Variants in GOLGA2 observed in about 807,000 individuals in gnomAD.
GOLGA2 encodes golgin subfamily A member 2.
In GOLGA2, 49 loss-of-function variants were observed where a neutral mutation model predicts 148.8. The ratio of observed to expected loss-of-function variants is 0.33; its 90% CI spans 0.26 to 0.42. GOLGA2 has a LOEUF of 0.42. GOLGA2 is among the 10% of genes least tolerant of loss of function. The probability of loss-of-function intolerance (pLI) is 1.00; values close to 1 mark genes in which losing one functional copy is unlikely to be tolerated. For missense variants in GOLGA2, 1,178 were observed against 1,304.6 expected (o/e 0.90, Z 1.49); for synonymous variants, 501 against 511.8 (o/e 0.98, Z 0.28).
chr9:128,257,777 G>A lies in GOLGA2; in HGVS notation c.2611+13C>T. The A allele has an allele frequency of 6.2e-7, 1 of 1,611,440 alleles. No individual in the cohort carries two copies. The highest frequency in any genetic ancestry group is 8.5e-7 in the Non-Finnish European group (1 of 1,177,548). ...GTGCAGCTCCTCCTGCCGTGCCCTG[G>A]CCTCCCACTCACCAATGGTGTCTGT... is the stretch of plus-strand genomic sequence containing the variant. On this transcript the variant is annotated intron_variant, in intron 24 of 26. Coordinates refer to ENST00000611957, the MANE Select transcript of GOLGA2 (RefSeq NM_001366244.2). This position sits in a 1 kb window ranked among gnomAD's most constrained non-coding sequence, Gnocchi z 8.0.
intron 7 of GOLGA2, 77 bp from the exon 8 acceptor site, chr9:128,267,351 G>T (rs1022083176): frequency 1.9e-5 from 27 of 1,387,528 alleles, no homozygotes; most frequent in African/African-American, 2.8e-5. Flanking sequence ...AGGGTTGGGG[G>T]GTGTGTGGGC....
rs1003827985 is a variant in GOLGA2, at chr9:128,266,867, A to G, written c.642+327T>C. ...GTGGCTTGTCCCAAATCAAAGAGCA[A>G]ATTAAGGACTGAGTCAGGGCAGAAA... is the stretch of plus-strand genomic sequence containing the variant. On this transcript the variant is annotated intron_variant, in intron 8 of 26. Transcript: ENST00000611957. This position sits in a 1 kb window ranked among gnomAD's most constrained non-coding sequence, Gnocchi z 4.2. 4 of 438,114 alleles carry G rather than the reference A, an allele frequency of 9.1e-6. No individual in the cohort carries two copies. Among genetic ancestry groups the G allele is most frequent in the Non-Finnish European group, 1.7e-5 (4 of 241,128 alleles). 27.1% of individuals were successfully genotyped at this position (438,114 alleles called of 1,614,324 possible).
rs1304076237 is a variant in GOLGA2, at chr9:128,255,914, C to G, written c.*1153G>C. 1 of 152,684 alleles carries G rather than the reference C, an allele frequency of 6.5e-6. No homozygotes were observed. The highest frequency in any genetic ancestry group is 2.4e-5 in the African/African-American group (1 of 41,460). The allele number at this position is 152,684 out of a possible 1,614,324, so 9.5% of individuals were successfully genotyped here. A position where few individuals can be genotyped will look rare whatever the true frequency, so the allele number is the denominator to read the frequency against. On this transcript the variant is annotated 3_prime_UTR_variant, in exon 27 of 27. Transcript: ENST00000611957. ...GGCGCCACGACCCCATCCCCGCCTC[C>G]TTCCTCTGTCCTATGCTATCAATAA...
Position 128,265,566 on chromosome 9 carries a change from G to C in GOLGA2, c.933+19C>G, listed in dbSNP as rs758363349. The C allele has an allele frequency of 6.5e-7, 1 of 1,549,134 alleles. No individual in the cohort carries two copies. The highest frequency in any genetic ancestry group is 1.1e-5 in the South Asian group (1 of 89,764). ...GGGAAGCCAGTATGCCAGGGGACGGGGCAGGCAGTTGGACTCACCCTGTCT... is the reference window on the plus strand; with the variant it reads ...GGGAAGCCAGTATGCCAGGGGACGGCGCAGGCAGTTGGACTCACCCTGTCT... On this transcript the variant is annotated intron_variant, in intron 12 of 26. Transcript: ENST00000611957.
intron 13 of GOLGA2, 70 bp downstream of exon 13, chr9:128,262,964 C>T (rs1367254433): frequency 3.8e-6 from 4 of 1,057,614 alleles, no homozygotes; most frequent in Non-Finnish European, 5.9e-6. Context: ...TTACCTGTAC[C>T]CCCCACCTCC....
rs533897909 is a variant in GOLGA2, at chr9:128,258,871, G to A, written c.2173+136C>T. On this transcript the variant is annotated intron_variant, in intron 21 of 26. Coordinates refer to ENST00000611957, the MANE Select transcript of GOLGA2 (RefSeq NM_001366244.2). This position sits in a 1 kb window ranked among gnomAD's most constrained non-coding sequence, Gnocchi z 6.6. ...CCCAGGAAGTCACCATATTGATGCC[G>A]AACTTAGTGTGGACACCCAGTTGGC... 276 of 704,808 alleles carry A rather than the reference G, an allele frequency of 3.9e-4. No individual in the cohort carries two copies. In the East Asian group the frequency reaches 4.6e-3, roughly 12 times the overall value. The allele number at this position is 704,808 out of a possible 1,614,324, so 43.7% of individuals were successfully genotyped here.
intron 1 of GOLGA2, among the ~76,000 whole-genome samples, chr9:128,274,520 T>C (rs773845361): frequency 6.6e-6 from 1 of 152,186 alleles, no homozygotes; most frequent in Non-Finnish European, 1.5e-5. Flanking sequence ...AATAAATATG[T>C]ATCTTAAAAT....
Position 128,257,914 on chromosome 9 carries a change from CAT to C in GOLGA2, c.2509-24_2509-23del. ...GGCTCTGGAACCAAAATAATGGAGT[CAT>C]ATATCGGCAGCGACCTGCCCCGCCC... On this transcript the variant is annotated intron_variant, in intron 23 of 26. Coordinates refer to ENST00000611957, the MANE Select transcript of GOLGA2 (RefSeq NM_001366244.2). This position sits in a 1 kb window ranked among gnomAD's most constrained non-coding sequence, Gnocchi z 8.0. 6.2e-7 allele frequency: 1 copy of C among 1,611,846 alleles called. No individual in the cohort carries two copies. Among genetic ancestry groups the C allele is most frequent in the Non-Finnish European group, 8.5e-7 (1 of 1,177,898 alleles).
Position 128,256,890 on chromosome 9 carries a change from G to T in GOLGA2, c.*177C>A. The T allele has an allele frequency of 1.9e-6, 1 of 518,578 alleles. No homozygotes were observed. The highest frequency in any genetic ancestry group is 3.5e-6 in the Non-Finnish European group (1 of 289,112). 32.1% of individuals were successfully genotyped at this position (518,578 alleles called of 1,614,324 possible). A position where few individuals can be genotyped will look rare whatever the true frequency, so the allele number is the denominator to read the frequency against. ...CTTTTAATTTTTTTTTAATTTAGTG[G>T]CCAGCTTTTAGATGACAGTGATCTT... On this transcript the variant is annotated 3_prime_UTR_variant, in exon 27 of 27. Coordinates refer to ENST00000611957, the MANE Select transcript of GOLGA2 (RefSeq NM_001366244.2).
At position 128,263,059 on chromosome 9, in the gene GOLGA2, G is replaced by C; in HGVS notation, c.967C>G (p.Leu323Val). The C allele has an allele frequency of 6.2e-7, 1 of 1,610,746 alleles. No individual in the cohort carries two copies. Among genetic ancestry groups the C allele is most frequent in the Non-Finnish European group, 8.5e-7 (1 of 1,177,176 alleles). Reference protein sequence around the residue: ...NKELTKERDALRLELYKNTQS... With the variant: ...NKELTKERDAVRLELYKNTQS... ...GTGTTCTTGTATAACTCCAGCCTGA[G>C]GGCGTCTCTCTCTTTGGTTAACTCC... The change falls in exon 13 of 27, where the codon CTC becomes GTC. Residue 323 changes from leucine (L) to valine (V), a missense_variant. Around this residue, in one of 5 missense-constraint regions of GOLGA2, gnomAD observed 304 missense variants for 404.1 expected, o/e 0.75. Transcript: ENST00000611957.
At chr9:128,268,339 G>A in intron 4 of GOLGA2, 81 bp downstream of exon 4, 1 of 1,050,270 alleles carries the variant, frequency 9.5e-7, no homozygotes, top group Non-Finnish European at 1.5e-6. Context: ...TTGACCCTAG[G>A]GAACAAGCTG....
In GOLGA2 at chr9:128,260,167, G is replaced by A; in HGVS notation, c.1781C>T (p.Thr594Ile). 1 of 1,608,302 alleles carries A rather than the reference G, an allele frequency of 6.2e-7. No individual in the cohort carries two copies. Among genetic ancestry groups the A allele is most frequent in the Non-Finnish European group, 8.5e-7 (1 of 1,178,834 alleles). ...GTGCTGCTCCGACTGCAGTGCGCTG[G>A]TGATCTCCATGTTCTCATTAGTCTG... ...VKLTNENMEI[T>I]SALQSEQHVK... Residue 594 changes from threonine (T) to isoleucine (I), a missense_variant, in exon 19 of 27, where the codon ACC (threonine) becomes ATC (isoleucine). Transcript: ENST00000611957. This position sits in a 1 kb window ranked among gnomAD's most constrained non-coding sequence, Gnocchi z 4.8.
In GOLGA2 at chr9:128,259,151, T is replaced by A; in HGVS notation, c.2097+16A>T. The stretch of plus-strand genomic sequence containing the variant: ...GGTTGTCCCCCTCGGGGCCCTGCCC[T>A]CACCAACTCCCTCACCTGGGTTTCC... On this transcript the variant is annotated intron_variant, in intron 20 of 26. Coordinates refer to ENST00000611957, the MANE Select transcript of GOLGA2 (RefSeq NM_001366244.2). 1.9e-6 allele frequency: 3 copies of A among 1,603,884 alleles called. No individual in the cohort carries two copies. The highest frequency in any genetic ancestry group is 2.6e-6 in the Non-Finnish European group (3 of 1,172,664).
Position 128,260,552 on chromosome 9 carries a change from G to A in GOLGA2, c.1671C>T (p.Asn557=), listed in dbSNP as rs144463156. The A allele has an allele frequency of 9.4e-5, 151 of 1,612,884 alleles. No homozygotes were observed. Among genetic ancestry groups the A allele is most frequent in the Non-Finnish European group, 1.0e-4 (118 of 1,179,994 alleles). Residue 557 remains asparagine, a synonymous_variant, in exon 18 of 27, where the codon AAC becomes AAT. Coordinates refer to ENST00000611957, the MANE Select transcript of GOLGA2 (RefSeq NM_001366244.2). This position sits in a 1 kb window ranked among gnomAD's most constrained non-coding sequence, Gnocchi z 4.8. ...ARRQILETMQ[N]DRTTISRALS... is the part of the protein sequence containing the mutation. ...GTGCGCGGCTGATGGTAGTGCGGTC[G>A]TTCTGCATGGTCTCCAGGATTTGCC...
In GOLGA2 at chr9:128,266,861, A is replaced by G. The variant is rs1158308779; in HGVS notation, c.642+333T>C. ...GGAGAGGTGGCTTGTCCCAAATCAA[A>G]GAGCAAATTAAGGACTGAGTCAGGG... On this transcript the variant is annotated intron_variant, in intron 8 of 26. Transcript: ENST00000611957. This position sits in a 1 kb window ranked among gnomAD's most constrained non-coding sequence, Gnocchi z 4.2. 3 of 429,624 alleles carry G rather than the reference A, an allele frequency of 7.0e-6. No individual in the cohort carries two copies. Among genetic ancestry groups the G allele is most frequent in the East Asian group, 4.7e-5 (1 of 21,056 alleles). 26.6% of individuals were successfully genotyped at this position (429,624 alleles called of 1,614,324 possible).
Position 128,259,196 on chromosome 9 carries a change from T to C in GOLGA2, c.2068A>G (p.Met690Val), listed in dbSNP as rs1178335804. ...QEAQGKAVAE[M>V]ARQELQETQE... ...GTTTCCTGCAACTCTTGGCGGGCCA[T>C]CTCGGCCACCGCTTTGCCCTGAGCT... Residue 690 changes from methionine (M) to valine (V), a missense_variant, in exon 20 of 27, where the codon ATG becomes GTG. Physicochemically the swap from Met to Val is conservative, Grantham distance 21. Transcript: ENST00000611957. The C allele has an allele frequency of 1.3e-6, 2 of 1,587,334 alleles. No individual in the cohort carries two copies. Among genetic ancestry groups the C allele is most frequent in the East Asian group, 4.5e-5 (2 of 44,822 alleles).
rs569053372 is a variant in GOLGA2, at chr9:128,268,498, T to C, written c.315A>G (p.Leu105=). 1.4e-5 allele frequency: 22 copies of C among 1,610,580 alleles called. No individual in the cohort carries two copies. In the Admixed American group the frequency reaches 2.7e-4, roughly 20 times the overall value. The change falls in exon 4 of 27, where the codon CTA becomes CTG. Residue 105 remains leucine (L), a synonymous_variant. Transcript: ENST00000611957. ...GTAACACGGTGTCATCAGATGGTTG[T>C]AGAGTAGCAGCATTGTCCTTGGGTG... ...WKTPKDNAAT[L]QPSDDTVLPG...
rs1203622965 is a variant in GOLGA2 at position 128,260,399 on chromosome 9, C to T, written c.1758+66G>A. 6.7e-6 allele frequency: 9 copies of T among 1,340,672 alleles called. No individual in the cohort carries two copies. Among genetic ancestry groups the T allele is most frequent in the East Asian group, 2.3e-5 (1 of 43,566 alleles). The allele number at this position is 1,340,672 out of a possible 1,614,324, so 83.0% of individuals were successfully genotyped here. ...GTGAGGGCTACACTGCCCCACTTTA[C>T]AGGTGGGAAAACAAAGGTCTGGAGG... On this transcript the variant is annotated intron_variant, in intron 18 of 26. Coordinates refer to ENST00000611957, the MANE Select transcript of GOLGA2 (RefSeq NM_001366244.2). The surrounding 1 kb of genome is among the most constrained non-coding windows in gnomAD (Gnocchi z 4.8).
chr9:128,268,274 C>G, intron 4 of GOLGA2, 114 bp from the exon 5 acceptor site: 4 of 1,185,238 alleles, frequency 3.4e-6, no homozygotes, highest in Non-Finnish European at 5.0e-6. Context: ...CCCCAGGCCT[C>G]AAGGAAAAAA....
Sources: allele counts gnomAD v4.1 joint callset (sites outside exome capture counted in the v4.1 genomes callset), GRCh38; gene constraint gnomAD v4.1.1; regional missense constraint gnomAD v4.1.1; non-coding constraint Gnocchi (gnomAD v3.1); transcripts MANE v1.5; gene names NCBI Gene and HGNC (gene_info 2026-07-23, HGNC 2026-07-21).